SOX6: variants seen among roughly 807,000 people sequenced by gnomAD.
The protein encoded by SOX6 is transcription factor SOX-6.
In SOX6, 11 loss-of-function variants were observed where a neutral mutation model predicts 97.8. The ratio of observed to expected loss-of-function variants is 0.11; its 90% CI spans 0.07 to 0.19. The LOEUF is 0.19. SOX6 is among the 10% of genes least tolerant of loss of function. SOX6 has a pLI of 1.00. For synonymous variants in SOX6, 360 were observed against 371.4 expected (o/e 0.97, Z 0.35); for missense variants, 810 against 1,039.5 (o/e 0.78, Z 3.04).
chr11:16,330,451 A>G lies in SOX6; in HGVS notation c.237+10561T>C, dbSNP rs571344061. Among the ~76,000 whole-genome samples, 171 of 152,186 alleles carry G rather than the reference A, an allele frequency of 1.1e-3. 3 individuals are homozygous for G. Among genetic ancestry groups the G allele is most frequent in the Non-Finnish European group, 1.7e-3 (115 of 67,978 alleles). ...ACACCTGTAATCCCAGCTACTCAGGAGAGGCTGAGGCAGGAGAATCACTTG... is the reference window on the plus strand; with the variant it reads ...ACACCTGTAATCCCAGCTACTCAGGGGAGGCTGAGGCAGGAGAATCACTTG... On this transcript the variant is annotated intron_variant, in intron 2 of 15. Coordinates refer to ENST00000683767, the MANE Select transcript of SOX6 (RefSeq NM_001367873.1).
intron 1 of SOX6, among the ~76,000 whole-genome samples, chr11:16,432,076 A>G (rs1320311851): frequency 1.3e-5 from 2 of 152,088 alleles, no homozygotes; most frequent in Non-Finnish European, 2.9e-5. Flanking sequence ...ATTTCTCTAC[A>G]TATTCAACTG....
chr11:16,144,886 A>C (rs1366251917), intron 6 of SOX6, among the ~76,000 whole-genome samples: 8 of 152,214 alleles, frequency 5.3e-5, no homozygotes, highest in Non-Finnish European at 8.8e-5. Flanking sequence ...AAAGTCCAGG[A>C]CCAGACGGAT....
At chr11:16,732,208 T>C (rs572120449) in intron 2 of SOX6, among the ~76,000 whole-genome samples, 3 of 152,300 alleles carry the variant, frequency 2.0e-5, no homozygotes, top group Non-Finnish European at 4.4e-5. Context: ...CAAGCTACCA[T>C]TGACTTTCTT....
At chr11:16,184,075 T>A in intron 5 of SOX6, 121 bp from the exon 6 acceptor site, 1 of 911,316 alleles carries the variant, frequency 1.1e-6, no homozygotes, top group Non-Finnish European at 1.7e-6. Context: ...AGAGTTCCTA[T>A]AAAATGAGAG....
At chr11:16,165,620 A>G (rs915014391) in intron 6 of SOX6, among the ~76,000 whole-genome samples, 1 of 152,154 alleles carries the variant, frequency 6.6e-6, no homozygotes, top group African/African-American at 2.4e-5. Context: ...ATCCTAGGCC[A>G]GGTGCAGTGG....
intron 3 of SOX6, among the ~76,000 whole-genome samples, chr11:16,625,509 G>A (rs542129481): frequency 2.0e-5 from 3 of 152,028 alleles, no homozygotes; most frequent in South Asian, 2.1e-4. Context: ...TTCCTAAACC[G>A]CTTGACGTTT....
intron 1 of SOX6, among the ~76,000 whole-genome samples, chr11:16,437,271 T>C (rs1180995883): frequency 4.5e-5 from 3 of 66,172 alleles, no homozygotes; most frequent in African/African-American, 2.2e-4. Flanking sequence ...CCTGTCTCTA[T>C]TTTTTTTTTT....
chr11:16,216,408 A>G (rs1217840167), intron 4 of SOX6, among the ~76,000 whole-genome samples: 1 of 152,196 alleles, frequency 6.6e-6, no homozygotes, highest in Non-Finnish European at 1.5e-5. Context: ...GATGAGATGA[A>G]TTCTCAAGAT....
At chr11:16,664,460 G>C (rs116307000) in intron 3 of SOX6, among the ~76,000 whole-genome samples, 210 of 152,248 alleles carry the variant, frequency 1.4e-3, no homozygotes, top group African/African-American at 4.6e-3. Flanking sequence ...AGCAACACCA[G>C]GAAGATCTCA....
chr11:16,421,067 C>A (rs1180253297), intron 1 of SOX6, among the ~76,000 whole-genome samples: 1 of 152,078 alleles, frequency 6.6e-6, no homozygotes, highest in African/African-American at 2.4e-5. Context: ...TGATACAAAC[C>A]CTTTGAACCA....
intron 12 of SOX6, among the ~76,000 whole-genome samples, chr11:16,043,451 C>T (rs896072782): frequency 6.6e-6 from 1 of 152,064 alleles, no homozygotes; most frequent in Non-Finnish European, 1.5e-5. Flanking sequence ...TCGACACAGT[C>T]GACAATGACT....
At chr11:16,640,104 G>C (rs1564855590) in intron 3 of SOX6, among the ~76,000 whole-genome samples, 1 of 152,186 alleles carries the variant, frequency 6.6e-6, no homozygotes, top group Non-Finnish European at 1.5e-5. Flanking sequence ...AATTTATTGA[G>C]AGTTTTTAGT....
intron 6 of SOX6, among the ~76,000 whole-genome samples, chr11:16,158,865 GGT>G (rs10549567): frequency 0.15 from 22,405 of 145,242 alleles, 1,696 homozygotes; most frequent in African/African-American, 0.19. Flanking sequence ...TGAAGTTACA[GGT>G]GTGTGTGTGT....
At chr11:16,081,114 A>T (rs898183624) in intron 9 of SOX6, among the ~76,000 whole-genome samples, 1 of 152,084 alleles carries the variant, frequency 6.6e-6, no homozygotes, top group Non-Finnish European at 1.5e-5. Context: ...ATAATTTTTT[A>T]AAAATCTAGC....
intron 4 of SOX6, among the ~76,000 whole-genome samples, chr11:16,561,681 A>G (rs1847816677): frequency 6.6e-6 from 1 of 152,184 alleles, no homozygotes. Flanking sequence ...TCCAGGGGTT[A>G]CCAAGACTCT....
At chr11:16,549,326 C>T (rs903012838) in intron 4 of SOX6, among the ~76,000 whole-genome samples, 3 of 152,046 alleles carry the variant, frequency 2.0e-5, no homozygotes, top group East Asian at 1.9e-4. Flanking sequence ...TGCGCCACCA[C>T]GCCTGGCTAA....
intron 3 of SOX6, among the ~76,000 whole-genome samples, chr11:16,711,960 A>G (rs1034196664): frequency 6.6e-6 from 1 of 152,184 alleles, no homozygotes; most frequent in South Asian, 2.1e-4. Context: ...CAGTGAGAAC[A>G]GATGATGTTT....
chr11:16,572,056 T>C (rs1192320254), intron 4 of SOX6, among the ~76,000 whole-genome samples: 2 of 152,226 alleles, frequency 1.3e-5, no homozygotes, highest in African/African-American at 4.8e-5. Flanking sequence ...CGAATACCTA[T>C]AAATGTTTCT....
chr11:16,035,237 G>A (rs1010072890), intron 12 of SOX6, among the ~76,000 whole-genome samples: 3 of 152,176 alleles, frequency 2.0e-5, no homozygotes, highest in Admixed American at 6.5e-5. Context: ...GGTGAAGTCC[G>A]TCTGTTATTG....
Sources: gnomAD v4.1 joint callset for allele counts (sites outside exome capture counted in the v4.1 genomes callset) on GRCh38, gnomAD v4.1.1 for gene constraint, MANE v1.5 for transcripts, NCBI Gene and HGNC (gene_info 2026-07-23, HGNC 2026-07-21) for gene names.